The following PTGER3 variants were observed in gnomAD, a reference collection of about 807,000 sequenced individuals.
The protein encoded by PTGER3 is prostaglandin E receptor 3.
Under a neutral mutation model 34.7 loss-of-function variants are expected in PTGER3, and 22 were observed. The observed-to-expected ratio is 0.63, with a 90% CI of 0.45 to 0.91. The LOEUF is 0.91. Among genes scored for constraint, PTGER3 ranks in the 40% least tolerant of loss-of-function variants. The probability of loss-of-function intolerance (pLI) is 0.00; values close to 1 mark genes in which losing one functional copy is unlikely to be tolerated. For synonymous variants in PTGER3, 241 were observed against 230.1 expected (o/e 1.05, Z -0.43); for missense variants, 468 against 519.4 (o/e 0.90, Z 0.96).
chr1:70,890,247 A>G (rs1315776789), intron 4 of PTGER3, among the ~76,000 whole-genome samples: 2 of 152,166 alleles, frequency 1.3e-5, no homozygotes, highest in African/African-American at 4.8e-5. Flanking sequence ...TCAGGACTCT[A>G]TATCATTTTC....
Position 71,047,642 on chromosome 1 carries a change from G to C in PTGER3, c.-65C>G. The stretch of plus-strand genomic sequence containing the variant: ...CGCAGCGGGAGGGGGCAGACGCGGC[G>C]CGGGCGGCGGCGGAGGTCGGCGTTT... On this transcript the variant is annotated 5_prime_UTR_variant, in exon 1 of 4. Transcript: ENST00000306666. 1 of 1,445,830 alleles carries C rather than the reference G, an allele frequency of 6.9e-7. No homozygotes were observed. The highest frequency in any genetic ancestry group is 2.8e-5 in the Admixed American group (1 of 36,310). The allele number at this position is 1,445,830 out of a possible 1,614,324, so 89.6% of individuals were successfully genotyped here.
At chr1:70,957,130 A>C (rs1651427110) in intron 2 of PTGER3, among the ~76,000 whole-genome samples, 1 of 152,190 alleles carries the variant, frequency 6.6e-6, no homozygotes, top group Admixed American at 6.5e-5. Flanking sequence ...ACAACTATTA[A>C]CCTCTGTTTT....
intron 2 of PTGER3, among the ~76,000 whole-genome samples, chr1:71,003,228 G>T (rs996626239): frequency 5.3e-5 from 8 of 152,124 alleles, no homozygotes; most frequent in Non-Finnish European, 1.2e-4. Context: ...TTATTCAAAG[G>T]TTCAATCAAT....
intron 2 of PTGER3, chr1:70,998,212 T>G (rs1656154101): frequency 6.6e-6 from 1 of 152,240 alleles, no homozygotes. Context: ...GAAAGAATAT[T>G]AATCAAAACC....
intron 4 of PTGER3, chr1:70,886,353 TTA>T (rs1292382214): frequency 2.2e-6 from 1 of 444,796 alleles, no homozygotes; most frequent in African/African-American, 2.0e-5. Context: ...TTTCTGTTGT[TTA>T]AGCCACCTAG....
chr1:70,944,634 A>C (rs1424841469), intron 4 of PTGER3, among the ~76,000 whole-genome samples: 1 of 152,126 alleles, frequency 6.6e-6, no homozygotes, highest in Non-Finnish European at 1.5e-5. Flanking sequence ...GAGCTGGTGA[A>C]GTTTTATTAT....
At chr1:70,931,391 A>T (rs556601461) in intron 4 of PTGER3, among the ~76,000 whole-genome samples, 1 of 152,246 alleles carries the variant, frequency 6.6e-6, no homozygotes, top group Admixed American at 6.5e-5. Context: ...CCCTCTTCTC[A>T]CAACTCCACT....
chr1:70,947,588 T>C (rs1650336929), downstream of PTGER3: 1 of 152,146 alleles, frequency 6.6e-6, no homozygotes, highest in South Asian at 2.1e-4. Context: ...TTTCTTTCTT[T>C]TTCTGAAAGT....
At chr1:70,958,361 TG>T (rs1168536456) in intron 2 of PTGER3, among the ~76,000 whole-genome samples, 1 of 152,168 alleles carries the variant, frequency 6.6e-6, no homozygotes, top group African/African-American at 2.4e-5. Context: ...TTTGTCTTTT[TG>T]AAAAAAGCTG....
At chr1:70,902,320 G>A (rs575595707) in intron 4 of PTGER3, among the ~76,000 whole-genome samples, 1 of 152,338 alleles carries the variant, frequency 6.6e-6, no homozygotes, top group Non-Finnish European at 1.5e-5. Flanking sequence ...GAGGTTGTCA[G>A]GTGCCATGCA....
chr1:71,021,656 T>G (rs1658432761), intron 1 of PTGER3, among the ~76,000 whole-genome samples: 1 of 151,886 alleles, frequency 6.6e-6, no homozygotes. Context: ...TATAGTTTCA[T>G]TTAAACCCCA....
chr1:70,898,665 G>C lies in PTGER3; in HGVS notation c.*24-45806C>G, dbSNP rs535271903. On this transcript the variant is annotated intron_variant, in intron 4 of 4. Coordinates refer to the PTGER3 transcript ENST00000370931. ...CTAGCTATGTACCTTGGAAAAGTTAGTTCTTTCTCTGTTCCTCAGTTTTCT... is the reference window on the plus strand; with the variant it reads ...CTAGCTATGTACCTTGGAAAAGTTACTTCTTTCTCTGTTCCTCAGTTTTCT... 2.0e-5 allele frequency among the ~76,000 whole-genome samples: 3 copies of C among 152,244 alleles called. No individual in the cohort carries two copies. The East Asian group carries it at 5.8e-4, about 29-fold the overall frequency.
chr1:70,935,825 T>A (rs1026223069), intron 4 of PTGER3, among the ~76,000 whole-genome samples: 1 of 150,758 alleles, frequency 6.6e-6, no homozygotes, highest in African/African-American at 2.4e-5. Flanking sequence ...TTTGAAGGAG[T>A]CTTGGTAAAA....
intron 4 of PTGER3, among the ~76,000 whole-genome samples, chr1:70,886,504 T>C (rs1211983464): frequency 3.3e-5 from 5 of 152,220 alleles, no homozygotes; most frequent in South Asian, 2.1e-4. Flanking sequence ...ATCTCCCAGA[T>C]ACCACAAGGC....
rs1409727915 is a variant in PTGER3 at position 70,973,221 on chromosome 1, T to TA, written c.1169+1075_1169+1076insT. ...GATAGATGATAGATAGATAGATAGA[T>TA]GATAGATAGATAGATAGATAGATAG... On this transcript the variant is annotated intron_variant, in intron 3 of 3. Coordinates refer to ENST00000306666, the MANE Select transcript of PTGER3 (RefSeq NM_198719.2). Among the ~76,000 whole-genome samples the TA allele has an allele frequency of 6.3e-3, 863 of 137,646 alleles. 3 individuals are homozygous for TA. The highest frequency in any genetic ancestry group is 0.015 in the Admixed American group (192 of 12,960). 90.3% of individuals were successfully genotyped at this position (137,646 alleles called of 152,430 possible).
At chr1:70,982,575 C>T (rs952507659) in intron 2 of PTGER3, among the ~76,000 whole-genome samples, 8 of 152,102 alleles carry the variant, frequency 5.3e-5, no homozygotes, top group African/African-American at 1.9e-4. Flanking sequence ...TGTAAAATTG[C>T]TTCTTATTTT....
chr1:71,005,151 T>C (rs959359145), intron 2 of PTGER3, among the ~76,000 whole-genome samples: 3 of 152,290 alleles, frequency 2.0e-5, no homozygotes, highest in Admixed American at 2.0e-4. Flanking sequence ...CTACAATGCA[T>C]AGGACAGCCC....
rs760525107 is a variant in PTGER3 at position 70,974,383 on chromosome 1, C to T, written c.1083G>A (p.Arg361=). The T allele has an allele frequency of 2.0e-6, 2 of 1,024,116 alleles. No homozygotes were observed. Among genetic ancestry groups the T allele is most frequent in the South Asian group, 2.5e-5 (2 of 79,348 alleles). 63.4% of individuals were successfully genotyped at this position (1,024,116 alleles called of 1,614,324 possible). ...KILLRKFCQI[R]YHTNNYASSS... ...TGGATGCATAGTTGTTTGTGTGGTA[C>T]CTGATCTGTGAACAGACAGAGGATT... The change falls in exon 3 of 4, where the codon AGG becomes AGA. Residue 361 remains arginine (R), a synonymous_variant. Coordinates refer to ENST00000306666, the MANE Select transcript of PTGER3 (RefSeq NM_198719.2).
intron 4 of PTGER3, among the ~76,000 whole-genome samples, chr1:70,934,105 C>A (rs1648980855): frequency 6.6e-6 from 1 of 152,140 alleles, no homozygotes. Context: ...GTGCTAATCT[C>A]TTCACAATAT....
Sources: allele counts gnomAD v4.1 joint callset (sites outside exome capture counted in the v4.1 genomes callset), GRCh38; gene constraint gnomAD v4.1.1; transcripts MANE v1.5; gene names NCBI Gene and HGNC (gene_info 2026-07-23, HGNC 2026-07-21).